Variants in MRTFA observed in about 807,000 individuals in gnomAD.
The protein encoded by MRTFA is myocardin related transcription factor A, also known as myocardin-related transcription factor A.
In MRTFA, 20 loss-of-function variants were observed where a neutral mutation model predicts 83.5. The ratio of observed to expected loss-of-function variants is 0.24; its 90% CI spans 0.17 to 0.35. MRTFA has a LOEUF of 0.35. Ranked by LOEUF, MRTFA falls within the 10% of genes least tolerant of loss-of-function variation. MRTFA has a pLI of 1.00. For missense variants in MRTFA, 1,200 were observed against 1,224.7 expected (o/e 0.98, Z 0.30); for synonymous variants, 659 against 541.2 (o/e 1.22, Z -3.02).
intron 2 of MRTFA, among the ~76,000 whole-genome samples, chr22:40,562,471 A>G (rs1295966765): frequency 1.3e-5 from 2 of 150,544 alleles, no homozygotes; most frequent in Non-Finnish European, 2.9e-5. Context: ...CCTCACCCAC[A>G]AAATTGTGAT....
intron 3 of MRTFA, among the ~76,000 whole-genome samples, chr22:40,478,841 C>G (rs1406247001): frequency 3.9e-5 from 6 of 152,186 alleles, no homozygotes; most frequent in Admixed American, 6.5e-5. Context: ...CACCTTTCAT[C>G]TGAAGACCCT....
chr22:40,452,671 G>T (rs984171936), intron 4 of MRTFA, among the ~76,000 whole-genome samples: 2 of 151,764 alleles, frequency 1.3e-5, no homozygotes, highest in African/African-American at 2.4e-5. Flanking sequence ...TTAGCCGGGC[G>T]TGGGTGGCAG....
chr22:40,559,781 AAAT>A (rs2055586835), intron 2 of MRTFA, among the ~76,000 whole-genome samples: 1 of 152,220 alleles, frequency 6.6e-6, no homozygotes, highest in South Asian at 2.1e-4. Context: ...AAAAGAAAGA[AAAT>A]AAGAATATCA....
intron 4 of MRTFA, 124 bp downstream of exon 4, chr22:40,463,097 G>A: frequency 1.2e-6 from 1 of 816,440 alleles, no homozygotes; most frequent in South Asian, 1.6e-5. Flanking sequence ...TCATGAGAAA[G>A]AAGAGAGTGG....
chr22:40,461,019 G>T (rs2053700591), intron 4 of MRTFA, among the ~76,000 whole-genome samples: 1 of 150,554 alleles, frequency 6.6e-6, no homozygotes, highest in Admixed American at 6.6e-5. Context: ...AGCAACATAG[G>T]TAGACTCCAT....
At chr22:40,540,643 G>C (rs2055272898) in intron 3 of MRTFA, among the ~76,000 whole-genome samples, 1 of 152,050 alleles carries the variant, frequency 6.6e-6, no homozygotes, top group Admixed American at 6.6e-5. Context: ...AGCCAGGCAT[G>C]GTGGCATATG....
At chr22:40,635,101 A>G (rs2056680607) in intron 1 of MRTFA, among the ~76,000 whole-genome samples, 1 of 152,220 alleles carries the variant, frequency 6.6e-6, no homozygotes, top group Non-Finnish European at 1.5e-5. Context: ...TTTCAATAAG[A>G]AACAGTAACA....
rs185802567 is a variant in MRTFA at position 40,504,243 on chromosome 22, G to A, written c.242-40957C>T. 1.8e-4 allele frequency among the ~76,000 whole-genome samples: 27 copies of A among 152,244 alleles called. 1 individual carries two copies. The East Asian group carries it at 4.2e-3, about 24-fold the overall frequency. On this transcript the variant is annotated intron_variant, in intron 3 of 14. Transcript: ENST00000355630. ...ACTCAAGTTCTTGTAGCTGGGCATAGTAGCTCACATCTGTAATCCCAGGTA... is the reference window on the plus strand; with the variant it reads ...ACTCAAGTTCTTGTAGCTGGGCATAATAGCTCACATCTGTAATCCCAGGTA...
intron 3 of MRTFA, among the ~76,000 whole-genome samples, chr22:40,489,013 A>C (rs1271950699): frequency 6.6e-6 from 1 of 152,134 alleles, no homozygotes; most frequent in Non-Finnish European, 1.5e-5. Flanking sequence ...ATCATAAAAC[A>C]CCAACGTTTC....
At chr22:40,424,664 T>C (rs2052916148) in intron 7 of MRTFA, among the ~76,000 whole-genome samples, 1 of 152,224 alleles carries the variant, frequency 6.6e-6, no homozygotes, top group Non-Finnish European at 1.5e-5. Context: ...TGTAACTCTA[T>C]ACTGTGTTTA....
chr22:40,627,969 TA>T (rs995486307), intron 1 of MRTFA, among the ~76,000 whole-genome samples: 1 of 151,882 alleles, frequency 6.6e-6, no homozygotes, highest in East Asian at 1.9e-4. Flanking sequence ...AGACTCTGTC[TA>T]AAAAAAACAA....
chr22:40,549,474 A>G (rs2147308602), intron 3 of MRTFA, among the ~76,000 whole-genome samples: 1 of 152,338 alleles, frequency 6.6e-6, no homozygotes, highest in East Asian at 1.9e-4. Flanking sequence ...CAGAATACAC[A>G]CTGTATGACT....
chr22:40,591,089 C>A (rs1222195928), intron 2 of MRTFA, among the ~76,000 whole-genome samples: 1 of 152,050 alleles, frequency 6.6e-6, no homozygotes, highest in Admixed American at 6.6e-5. Context: ...GAGCTGAGAT[C>A]GCGCCACTGC....
chr22:40,442,273 C>T (rs111353658), intron 4 of MRTFA, among the ~76,000 whole-genome samples: 161 of 152,228 alleles, frequency 1.1e-3, no homozygotes, highest in African/African-American at 3.7e-3. Flanking sequence ...TCTGATAATA[C>T]GCCAGAAGCT....
intron 2 of MRTFA, among the ~76,000 whole-genome samples, chr22:40,580,701 A>T (rs1351044651): frequency 6.6e-6 from 1 of 152,162 alleles, no homozygotes; most frequent in Non-Finnish European, 1.5e-5. Context: ...TGAAGGTAAT[A>T]TAGCTTCTTT....
chr22:40,521,829 G>T, intron 3 of MRTFA: 1 of 151,644 alleles, frequency 6.6e-6, no homozygotes. Context: ...TACAAGGTAA[G>T]AGTCAATGTT....
Position 40,411,439 on chromosome 22 carries a change from T to A in MRTFA, c.3047A>T (p.Asp1016Val), listed in dbSNP as rs2052533326. The change falls in exon 15 of 15, where the codon GAC becomes GTC. Residue 1016 changes from aspartate (D) to valine (V), a missense_variant. Around this residue, in one of 2 missense-constraint regions of MRTFA, gnomAD observed 1,107 missense variants for 1,041.8 expected, o/e 1.06. Transcript: ENST00000355630. ...CTGCAAATCATGGCCATCGAGGAAG[T>A]CTGTGGAGAAGAGGCTGGGGGCTGT... 6.3e-7 allele frequency: 1 copy of A among 1,587,998 alleles called. No individual in the cohort carries two copies. The highest frequency in any genetic ancestry group is 1.3e-5 in the African/African-American group (1 of 74,350).
At position 40,471,219 on chromosome 22, in the gene MRTFA, TAAA is replaced by T. The variant is rs61206773; in HGVS notation, c.242-7936_242-7934del. Among the ~76,000 whole-genome samples, 61 of 42,692 alleles carry T rather than the reference TAAA, an allele frequency of 1.4e-3. 1 individual carries two copies. The highest frequency in any genetic ancestry group is 5.4e-3 in the African/African-American group (52 of 9,704). The allele number at this position is 42,692 out of a possible 152,430, so 28.0% of individuals were successfully genotyped here. On this transcript the variant is annotated intron_variant, in intron 3 of 14. Coordinates refer to ENST00000355630, the MANE Select transcript of MRTFA (RefSeq NM_020831.6). ...CAACATGACAAAGCCCTGTTTCTAT[TAAA>T]AAAAAAAAAAAAAAAAAAAAAAAAA... is the stretch of plus-strand genomic sequence containing the variant.
At position 40,429,598 on chromosome 22, in the gene MRTFA, C is replaced by T. The variant is rs567052974; in HGVS notation, c.601+8G>A. On this transcript the variant is annotated splice_region_variant and intron_variant, in intron 7 of 14. Transcript: ENST00000355630. ...GCCTCTCACACAGGGTGGCTGGGTC[C>T]TCCTCACCAATGATGGCTTCCTTCA... is the stretch of plus-strand genomic sequence containing the variant. 8.1e-6 allele frequency: 13 copies of T among 1,614,078 alleles called. No homozygotes were observed. The South Asian group carries it at 1.2e-4, about 15-fold the overall frequency.
Sources: allele counts gnomAD v4.1 joint callset (sites outside exome capture counted in the v4.1 genomes callset), GRCh38; gene constraint gnomAD v4.1.1; regional missense constraint gnomAD v4.1.1; transcripts MANE v1.5; gene names NCBI Gene and HGNC (gene_info 2026-07-23, HGNC 2026-07-21).